The following ST3GAL4 variants were observed in gnomAD, a reference collection of about 807,000 sequenced individuals.
ST3GAL4 encodes the protein ST3 beta-galactoside alpha-2,3-sialyltransferase 4, also known as CMP-N-acetylneuraminate-beta-galactosamide-alpha-2,3-sialyltransferase 4.
Under a neutral mutation model 42.6 loss-of-function variants are expected in ST3GAL4, and 24 were observed. The observed-to-expected ratio is 0.56, with a 90% CI of 0.41 to 0.79. ST3GAL4 has a LOEUF of 0.79. ST3GAL4 is among the 30% of genes least tolerant of loss of function. ST3GAL4 has a pLI of 0.00. For missense variants in ST3GAL4, 311 were observed against 430.8 expected, an observed-to-expected ratio of 0.72 and a Z score of 2.46; for synonymous variants, 135 against 163.2, an observed-to-expected ratio of 0.83 and a Z score of 1.32.
intron 1 of ST3GAL4, among the ~76,000 whole-genome samples, chr11:126,385,845 CAA>C (rs916410388): frequency 2.1e-5 from 3 of 142,570 alleles, no homozygotes; most frequent in Admixed American, 7.0e-5. Flanking sequence ...GACCTTGTCT[CAA>C]AAAAAAAAAG....
In ST3GAL4 at chr11:126,406,669, C is replaced by T; in HGVS notation, c.101+112C>T. ...GGCAGGAAGGTTCCAAGAGCCGGCA[C>T]ATGACCTCATCCCTTCAGCTGCTGG... On this transcript the variant is annotated intron_variant, in intron 3 of 10. Coordinates refer to ENST00000444328, the MANE Select transcript of ST3GAL4 (RefSeq NM_001254757.2). This position sits in a 1 kb window ranked among gnomAD's most constrained non-coding sequence, Gnocchi z 5.4. 1 of 1,390,116 alleles carries T rather than the reference C, an allele frequency of 7.2e-7. No homozygotes were observed. Among genetic ancestry groups the T allele is most frequent in the Non-Finnish European group, 9.8e-7 (1 of 1,018,444 alleles). 86.1% of individuals were successfully genotyped at this position (1,390,116 alleles called of 1,614,324 possible).
In ST3GAL4 at chr11:126,373,094, T is replaced by C. The variant is rs1385572843; in HGVS notation, c.-61+17252T>C. ...CCTGACTTGTTTAAAGCCTGATGTC[T>C]TGAGTACTGTGCACCCCTGTGCCTG... On this transcript the variant is annotated intron_variant, in intron 1 of 10. Coordinates refer to ENST00000444328, the MANE Select transcript of ST3GAL4 (RefSeq NM_001254757.2). The surrounding 1 kb of genome is among the most constrained non-coding windows in gnomAD (Gnocchi z 5.5). Among the ~76,000 whole-genome samples, 2 of 152,246 alleles carry C rather than the reference T, an allele frequency of 1.3e-5. No homozygotes were observed. The highest frequency in any genetic ancestry group is 2.9e-5 in the Non-Finnish European group (2 of 68,046).
chr11:126,359,698 G>A lies in ST3GAL4; in HGVS notation c.-61+3856G>A, dbSNP rs1952180950. Among the ~76,000 whole-genome samples the A allele has an allele frequency of 6.6e-6, 1 of 151,122 alleles. No homozygotes were observed. Among genetic ancestry groups the A allele is most frequent in the Admixed American group, 6.6e-5 (1 of 15,216 alleles). ...ACACGCTTGTCCGCTTTCTCAGCTGGGCGGGGCGGGGCAGGACAAGGTTCT... is the reference window on the plus strand; with the variant it reads ...ACACGCTTGTCCGCTTTCTCAGCTGAGCGGGGCGGGGCAGGACAAGGTTCT... On this transcript the variant is annotated intron_variant, in intron 1 of 10. Transcript: ENST00000444328. This position sits in a 1 kb window ranked among gnomAD's most constrained non-coding sequence, Gnocchi z 4.8.
intron 5 of ST3GAL4, 88 bp downstream of exon 5, chr11:126,407,437 A>G: frequency 3.8e-6 from 6 of 1,566,974 alleles, no homozygotes; most frequent in Non-Finnish European, 4.4e-6. Context: ...CCAGTGCCCA[A>G]GTTCTGAGCC....
At chr11:126,364,850 C>T (rs1952370127) in intron 1 of ST3GAL4, among the ~76,000 whole-genome samples, 1 of 151,536 alleles carries the variant, frequency 6.6e-6, no homozygotes. Context: ...CCCTGATCAC[C>T]GCACTCCCCA....
intron 1 of ST3GAL4, among the ~76,000 whole-genome samples, chr11:126,374,445 CT>C (rs1463733150): frequency 1.9e-5 from 2 of 102,698 alleles, no homozygotes; most frequent in African/African-American, 3.9e-5. Flanking sequence ...CAAAGCAAGA[CT>C]TTGTCTCCAA....
intron 1 of ST3GAL4, among the ~76,000 whole-genome samples, chr11:126,390,137 A>C (rs1953431137): frequency 6.6e-6 from 1 of 151,148 alleles, no homozygotes; most frequent in Admixed American, 6.6e-5. Flanking sequence ...AGCTGAGATC[A>C]CGCCACTGCA....
chr11:126,357,572 C>T (rs547936008), intron 1 of ST3GAL4, among the ~76,000 whole-genome samples: 1 of 152,274 alleles, frequency 6.6e-6, no homozygotes, highest in Non-Finnish European at 1.5e-5. Flanking sequence ...AGTGCCGTGC[C>T]CCCGCCAGCC....
chr11:126,387,317 AT>A (rs879587183), intron 1 of ST3GAL4, among the ~76,000 whole-genome samples: 59 of 152,120 alleles, frequency 3.9e-4, no homozygotes, highest in South Asian at 1.0e-3. Flanking sequence ...AGATTTCAAT[AT>A]TTTTTTTCTT....
chr11:126,388,167 A>G (rs7118117), intron 1 of ST3GAL4, among the ~76,000 whole-genome samples: 56,629 of 152,086 alleles, frequency 0.37, 11,707 homozygotes, highest in African/African-American at 0.54. Context: ...TAGTACATCT[A>G]TGAGAGCTCA....
chr11:126,371,788 CG>C (rs1404270411), intron 1 of ST3GAL4, among the ~76,000 whole-genome samples: 4 of 152,196 alleles, frequency 2.6e-5, no homozygotes, highest in Admixed American at 2.0e-4. Flanking sequence ...GGGCTGTGCC[CG>C]GAAATGCAAT....
chr11:126,409,229 A>AC lies in ST3GAL4; in HGVS notation c.628-36dup. ...GGTTGGATTTGAGAAACAGGGCTTCACCCGCTTCTGTCTCTCTCTTCTGAC... is the reference window on the plus strand; with the variant it reads ...GGTTGGATTTGAGAAACAGGGCTTCACCCCGCTTCTGTCTCTCTCTTCTGAC... On this transcript the variant is annotated intron_variant, in intron 8 of 10. Transcript: ENST00000444328. The surrounding 1 kb of genome is among the most constrained non-coding windows in gnomAD (Gnocchi z 4.9). 6.2e-7 allele frequency: 1 copy of AC among 1,605,980 alleles called. No individual in the cohort carries two copies. The highest frequency in any genetic ancestry group is 8.5e-7 in the Non-Finnish European group (1 of 1,173,414).
chr11:126,403,577 A>C, intron 1 of ST3GAL4: 1 of 381,762 alleles, frequency 2.6e-6, no homozygotes, highest in African/African-American at 2.2e-5. Flanking sequence ...TGGGGCCTAG[A>C]CTTTATATGT....
In ST3GAL4 at chr11:126,398,851, C is replaced by T. The variant is rs984477410; in HGVS notation, c.-60-7245C>T. Among the ~76,000 whole-genome samples, 2 of 152,150 alleles carry T rather than the reference C, an allele frequency of 1.3e-5. No individual in the cohort carries two copies. Among genetic ancestry groups the T allele is most frequent in the Non-Finnish European group, 2.9e-5 (2 of 68,028 alleles). ...AAGCTGCACCTGGGCCCATTTAAGC[C>T]ATGGCTGGGGAGGCAGAGGAGCACT... On this transcript the variant is annotated intron_variant, in intron 1 of 10. Coordinates refer to ENST00000444328, the MANE Select transcript of ST3GAL4 (RefSeq NM_001254757.2). The surrounding 1 kb of genome is among the most constrained non-coding windows in gnomAD (Gnocchi z 4.7).
intron 9 of ST3GAL4, among the ~76,000 whole-genome samples, chr11:126,413,114 TG>T (rs1003091952): frequency 2.6e-5 from 4 of 151,848 alleles, no homozygotes; most frequent in African/African-American, 4.8e-5. Context: ...TTTTTAGAGA[TG>T]GGGGGGTCTC....
Position 126,391,857 on chromosome 11 carries a change from T to G in ST3GAL4, c.-60-14239T>G, listed in dbSNP as rs1310329041. Among the ~76,000 whole-genome samples the G allele has an allele frequency of 6.6e-6, 1 of 152,082 alleles. No individual in the cohort carries two copies. Among genetic ancestry groups the G allele is most frequent in the Non-Finnish European group, 1.5e-5 (1 of 68,016 alleles). On this transcript the variant is annotated intron_variant, in intron 1 of 10. Transcript: ENST00000444328. This position sits in a 1 kb window ranked among gnomAD's most constrained non-coding sequence, Gnocchi z 5.5. ...CTCCAGATACAGAGTTCTTGCTCTG[T>G]GTTTGGCCCATACCTAATGTTGTGA...
At position 126,393,954 on chromosome 11, in the gene ST3GAL4, T is replaced by TA. The variant is rs1360093924; in HGVS notation, c.-60-12139dup. Among the ~76,000 whole-genome samples the TA allele has an allele frequency of 2.6e-5, 4 of 152,272 alleles. No homozygotes were observed. The highest frequency in any genetic ancestry group is 2.6e-4 in the Admixed American group (4 of 15,288). On this transcript the variant is annotated intron_variant, in intron 1 of 10. Transcript: ENST00000444328. The surrounding 1 kb of genome is among the most constrained non-coding windows in gnomAD (Gnocchi z 5.9). ...ATATTTTATTCTTTTTTTGGGGTACTAAATCTTTGAAATCCGGTGTGTATT... is the reference window on the plus strand; with the variant it reads ...ATATTTTATTCTTTTTTTGGGGTACTAAAATCTTTGAAATCCGGTGTGTATT...
intron 1 of ST3GAL4, among the ~76,000 whole-genome samples, chr11:126,357,611 G>C (rs1359713173): frequency 6.6e-6 from 1 of 152,124 alleles, no homozygotes; most frequent in Non-Finnish European, 1.5e-5. Context: ...CCTAGAATCC[G>C]GTTTTCTGGA....
intron 1 of ST3GAL4, among the ~76,000 whole-genome samples, chr11:126,362,239 C>T (rs1429541121): frequency 6.7e-6 from 1 of 148,730 alleles, no homozygotes; most frequent in Non-Finnish European, 1.5e-5. Flanking sequence ...ACTCTGTTGC[C>T]CAGGCTGGAG....
Sources: gnomAD v4.1 joint callset for allele counts (sites outside exome capture counted in the v4.1 genomes callset) on GRCh38, gnomAD v4.1.1 for gene constraint, Gnocchi (gnomAD v3.1) non-coding constraint, MANE v1.5 for transcripts, NCBI Gene and HGNC (gene_info 2026-07-23, HGNC 2026-07-21) for gene names.